Variants in ATAD2 observed in about 807,000 individuals in gnomAD.
The protein encoded by ATAD2 is ATPase family AAA domain-containing protein 2.
In ATAD2, 62 loss-of-function variants were observed where a neutral mutation model predicts 168.9. That is an observed-to-expected ratio of 0.37 (90% CI 0.30 to 0.45). ATAD2 has a LOEUF of 0.45. Among genes scored for constraint, ATAD2 ranks in the 20% least tolerant of loss-of-function variants. ATAD2 has a pLI of 1.00. For missense variants in ATAD2, 1,419 were observed against 1,667.8 expected (o/e 0.85, Z 2.60); for synonymous variants, 613 against 571.6 (o/e 1.07, Z -1.03).
At chr8:123,375,438 G>A (rs1157243174) in intron 2 of ATAD2, among the ~76,000 whole-genome samples, 1 of 152,200 alleles carries the variant, frequency 6.6e-6, no homozygotes, top group East Asian at 1.9e-4. Context: ...GTAAAATGCT[G>A]TAAATGTTTT....
In ATAD2 at chr8:123,369,195, A is replaced by G; in HGVS notation, c.932-20T>C. Reference sequence around the variant, plus strand: ...GAGGTTCTAAAAAAAAGAAATATATATATATATTTGTATATATATATATAT... The same window carrying G: ...GAGGTTCTAAAAAAAAGAAATATATGTATATATTTGTATATATATATATAT... On this transcript the variant is annotated intron_variant, in intron 7 of 27. Transcript: ENST00000287394. 1.0e-6 allele frequency: 1 copy of G among 992,990 alleles called. No individual in the cohort carries two copies. The highest frequency in any genetic ancestry group is 2.5e-5 in the South Asian group (1 of 39,508). 61.5% of individuals were successfully genotyped at this position (992,990 alleles called of 1,614,324 possible).
Position 123,347,084 on chromosome 8 carries a change from T to G in ATAD2, c.2212+8A>C. Reference sequence around the variant, plus strand: ...AACTAACTTTAAATGGTCAATCAAGTTTTATACCTGAGTCTAATGTTTTAT... The same window carrying G: ...AACTAACTTTAAATGGTCAATCAAGGTTTATACCTGAGTCTAATGTTTTAT... On this transcript the variant is annotated splice_region_variant and intron_variant, in intron 16 of 27. Transcript: ENST00000287394. 2 of 1,598,726 alleles carry G rather than the reference T, an allele frequency of 1.3e-6. No individual in the cohort carries two copies. The highest frequency in any genetic ancestry group is 1.7e-5 in the Admixed American group (1 of 58,282).
At position 123,380,573 on chromosome 8, in the gene ATAD2, A is replaced by G; in HGVS notation, c.276T>C (p.Asn92=). The G allele has an allele frequency of 6.2e-7, 1 of 1,614,066 alleles. No individual in the cohort carries two copies. Among genetic ancestry groups the G allele is most frequent in the Non-Finnish European group, 8.5e-7 (1 of 1,179,996 alleles). The stretch of plus-strand genomic sequence containing the variant: ...TAGCAAGTTGCTCCGTTATTTCCAC[A>G]TTCTTCTCAAAACTAGAATCTGAAG... ...QNSSDSSFEK[N]VEITEQLANG... Residue 92 remains asparagine (N), a synonymous_variant, in exon 2 of 28, where the codon AAT becomes AAC. Coordinates refer to ENST00000287394, the MANE Select transcript of ATAD2 (RefSeq NM_014109.4).
At chr8:123,378,626 T>C (rs1829393394) in intron 2 of ATAD2, among the ~76,000 whole-genome samples, 1 of 125,668 alleles carries the variant, frequency 8.0e-6, no homozygotes, top group Non-Finnish European at 1.6e-5. Flanking sequence ...CGCTTGAACC[T>C]GGGAGGCGGA....
intron 8 of ATAD2, among the ~76,000 whole-genome samples, chr8:123,367,912 T>A (rs1385408962): frequency 6.6e-6 from 1 of 152,212 alleles, no homozygotes; most frequent in Non-Finnish European, 1.5e-5. Flanking sequence ...CATGATCAGA[T>A]GGTCTGTCTC....
At chr8:123,344,702 A>G (rs1165420393) in intron 19 of ATAD2, 182 bp downstream of exon 19, 1 of 648,188 alleles carries the variant, frequency 1.5e-6, no homozygotes, top group Non-Finnish European at 2.7e-6. Context: ...ATACATACAC[A>G]TATACATATA....
intron 24 of ATAD2, among the ~76,000 whole-genome samples, chr8:123,332,624 G>C (rs1231251417): frequency 6.6e-6 from 1 of 152,158 alleles, no homozygotes; most frequent in Admixed American, 6.5e-5. Context: ...GATTCTCACT[G>C]TATAATAATT....
chr8:123,336,576 CA>C lies in ATAD2; in HGVS notation c.3052-45del, dbSNP rs751575764. 2.0e-5 allele frequency: 29 copies of C among 1,429,368 alleles called. No individual in the cohort carries two copies. In the Middle Eastern group the frequency reaches 9.5e-4, roughly 47 times the overall value. The allele number at this position is 1,429,368 out of a possible 1,614,324, so 88.5% of individuals were successfully genotyped here. On this transcript the variant is annotated intron_variant, in intron 21 of 27. Coordinates refer to ENST00000287394, the MANE Select transcript of ATAD2 (RefSeq NM_014109.4). Reference sequence around the variant, plus strand: ...ATCAAATCACAAAATTAACTCTAAACATAACATGTGAGTCAAGTTTCGATGC... The same window carrying C: ...ATCAAATCACAAAATTAACTCTAAACTAACATGTGAGTCAAGTTTCGATGC...
upstream of ATAD2, chr8:123,401,364 C>T (rs964860715): frequency 2.1e-6 from 3 of 1,409,452 alleles, no homozygotes; most frequent in South Asian, 1.2e-5. Context: ...ACCTGCTCAC[C>T]CAGGCGGGTG....
rs746448241 is a variant in ATAD2, at chr8:123,346,057, T to C, written c.2532+29A>G. The C allele has an allele frequency of 8.5e-6, 12 of 1,412,716 alleles. No homozygotes were observed. The Admixed American group carries it at 3.0e-4, about 36-fold the overall frequency. 87.5% of individuals were successfully genotyped at this position (1,412,716 alleles called of 1,614,324 possible). On this transcript the variant is annotated intron_variant, in intron 18 of 27. Coordinates refer to ENST00000287394, the MANE Select transcript of ATAD2 (RefSeq NM_014109.4). ...AGCTTTTGCCTCTGAAAGCCTGTTT[T>C]GTCTTATACTTGGGCACCAACAAAT...
chr8:123,349,650 T>C (rs1195300447), intron 13 of ATAD2, among the ~76,000 whole-genome samples: 3 of 151,886 alleles, frequency 2.0e-5, no homozygotes, highest in African/African-American at 4.8e-5. Context: ...AAACAGACGG[T>C]TGTTAGACCC....
At chr8:123,356,307 C>T (rs1828644140) in intron 13 of ATAD2, 82 bp downstream of exon 13, 2 of 1,158,286 alleles carry the variant, frequency 1.7e-6, no homozygotes, top group African/African-American at 3.1e-5. Flanking sequence ...GTTTCTTTCA[C>T]CATTTAACAT....
At chr8:123,323,102 A>G (rs1191919917) in intron 26 of ATAD2, 36 bp from the exon 27 acceptor site, 1 of 1,581,270 alleles carries the variant, frequency 6.3e-7, no homozygotes. Context: ...TGTGTGAGAG[A>G]GAAACTTCCT....
intron 6 of ATAD2, 86 bp from the exon 7 acceptor site, chr8:123,370,110 C>A: frequency 7.9e-7 from 1 of 1,263,202 alleles, no homozygotes; most frequent in Non-Finnish European, 1.1e-6. Flanking sequence ...AGAGAAAGAT[C>A]CACCCTTTTA....
chr8:123,322,464 C>CTCAAGAT (rs1827493478), intron 27 of ATAD2, among the ~76,000 whole-genome samples: 1 of 152,088 alleles, frequency 6.6e-6, no homozygotes, highest in Non-Finnish European at 1.5e-5. Context: ...AGCTCAGGAG[C>CTCAAGAT]TCAAGATCGG....
intron 8 of ATAD2, among the ~76,000 whole-genome samples, chr8:123,367,374 G>A (rs191695104): frequency 3.6e-4 from 55 of 152,244 alleles, no homozygotes; most frequent in African/African-American, 1.1e-3. Flanking sequence ...CCGAGATCGC[G>A]CCACTGCACT....
At chr8:123,381,696 T>C (rs944967376) in intron 1 of ATAD2, among the ~76,000 whole-genome samples, 2 of 152,114 alleles carry the variant, frequency 1.3e-5, no homozygotes, top group African/African-American at 4.8e-5. Flanking sequence ...TATAGAGTAT[T>C]TTCACATTAG....
At position 123,346,406 on chromosome 8, in the gene ATAD2, AG is replaced by A. The variant is rs1211493825; in HGVS notation, c.2346-135del. 14 of 1,021,834 alleles carry A rather than the reference AG, an allele frequency of 1.4e-5. No individual in the cohort carries two copies. The African/African-American group carries it at 2.3e-4, about 17-fold the overall frequency. The allele number at this position is 1,021,834 out of a possible 1,614,324, so 63.3% of individuals were successfully genotyped here. A position where few individuals can be genotyped will look rare whatever the true frequency, so the allele number is the denominator to read the frequency against. On this transcript the variant is annotated intron_variant, in intron 17 of 27. Coordinates refer to ENST00000287394, the MANE Select transcript of ATAD2 (RefSeq NM_014109.4). Reference sequence around the variant, plus strand: ...CAACCAATCATAACATGGTTCACATAGTTTCTGGAAACTGACCCCCAAAGGT... The same window carrying A: ...CAACCAATCATAACATGGTTCACATATTTCTGGAAACTGACCCCCAAAGGT...
At chr8:123,327,765 G>A (rs571140813) in intron 25 of ATAD2, among the ~76,000 whole-genome samples, 1 of 152,220 alleles carries the variant, frequency 6.6e-6, no homozygotes, top group African/African-American at 2.4e-5. Context: ...AAAAATGATC[G>A]GGGTAAGAGT....
Sources: gnomAD v4.1 joint callset for allele counts (sites outside exome capture counted in the v4.1 genomes callset) on GRCh38, gnomAD v4.1.1 for gene constraint, MANE v1.5 for transcripts, NCBI Gene and HGNC (gene_info 2026-07-23, HGNC 2026-07-21) for gene names.